TMTC3: variants seen among roughly 807,000 people sequenced by gnomAD.
TMTC3 encodes the protein protein O-mannosyl-transferase TMTC3.
Under a neutral mutation model 92.2 loss-of-function variants are expected in TMTC3, and 52 were observed. The observed-to-expected ratio is 0.56, with a 90% CI of 0.45 to 0.71. The LOEUF (loss-of-function observed/expected upper bound fraction) is 0.71. Ranked by LOEUF, TMTC3 falls within the 30% of genes least tolerant of loss-of-function variation. The pLI, the probability that TMTC3 is intolerant of heterozygous loss-of-function variation, is 0.00. For missense variants in TMTC3, 896 were observed against 1,057.1 expected (o/e 0.85, Z 2.11); for synonymous variants, 339 against 363.3 (o/e 0.93, Z 0.76).
intron 10 of TMTC3, among the ~76,000 whole-genome samples, chr12:88,182,430 T>G (rs1225205634): frequency 1.3e-5 from 2 of 152,232 alleles, no homozygotes; most frequent in African/African-American, 4.8e-5. Flanking sequence ...TATCAGTAGT[T>G]ATGCCCAAGA....
intron 10 of TMTC3, among the ~76,000 whole-genome samples, chr12:88,183,509 CCT>C (rs1465450758): frequency 2.0e-5 from 3 of 152,118 alleles, no homozygotes; most frequent in Admixed American, 6.5e-5. Flanking sequence ...TCAGGCAAAA[CCT>C]CTGTTTCCCC....
intron 4 of TMTC3, among the ~76,000 whole-genome samples, chr12:88,156,859 TCTTA>T (rs572798549): frequency 5.4e-5 from 8 of 148,528 alleles, no homozygotes; most frequent in South Asian, 2.2e-4. Context: ...TATTTTTCCC[TCTTA>T]CTTACCTTTT....
chr12:88,195,209 A>G lies in TMTC3; in HGVS notation c.2305A>G (p.Ser769Gly), dbSNP rs145558592. Residue 769 changes from serine to glycine, a missense_variant, in exon 14 of 14, where the codon AGC becomes GGC. Physicochemically the swap from Ser to Gly is moderately conservative, Grantham distance 56 (BLOSUM62 0). Transcript: ENST00000266712. Reference protein sequence around the residue: ...CFERILEMDPSNVQGKHNLCV... With the variant: ...CFERILEMDPGNVQGKHNLCV... ...TGAAAGGATTTTGGAGATGGATCCA[A>G]GCAATGTGCAAGGAAAACACAATCT... is the stretch of plus-strand genomic sequence containing the variant. The G allele has an allele frequency of 1.9e-6, 3 of 1,613,810 alleles. No homozygotes were observed. The highest frequency in any genetic ancestry group is 2.5e-6 in the Non-Finnish European group (3 of 1,179,934).
At chr12:88,156,378 C>T (rs929533136) in intron 4 of TMTC3, among the ~76,000 whole-genome samples, 5 of 152,104 alleles carry the variant, frequency 3.3e-5, no homozygotes, top group African/African-American at 9.7e-5. Context: ...TTCCAGGTTC[C>T]GCAGAGCTGC....
intron 1 of TMTC3, among the ~76,000 whole-genome samples, chr12:88,147,895 A>G (rs1429847067): frequency 6.6e-6 from 1 of 152,120 alleles, no homozygotes; most frequent in African/African-American, 2.4e-5. Flanking sequence ...TAGAAAAGGG[A>G]TGGAGGGTCT....
intron 10 of TMTC3, among the ~76,000 whole-genome samples, chr12:88,183,959 A>G (rs1482494875): frequency 6.6e-6 from 1 of 152,074 alleles, no homozygotes; most frequent in African/African-American, 2.4e-5. Flanking sequence ...CCAATGACTT[A>G]CTGTGCAGTC....
intron 10 of TMTC3, among the ~76,000 whole-genome samples, chr12:88,184,961 A>G (rs12321999): frequency 0.13 from 19,110 of 152,144 alleles, 2,291 homozygotes; most frequent in African/African-American, 0.31. Flanking sequence ...GTGTAATTTT[A>G]AGTATCACTG....
rs1036578200 is a variant in TMTC3 at position 88,198,877 on chromosome 12, T to G, written c.*3228T>G. 3 of 152,532 alleles carry G rather than the reference T, an allele frequency of 2.0e-5. No individual in the cohort carries two copies. Among genetic ancestry groups the G allele is most frequent in the Non-Finnish European group, 4.4e-5 (3 of 68,260 alleles). 9.4% of individuals were successfully genotyped at this position (152,532 alleles called of 1,614,324 possible). The stretch of plus-strand genomic sequence containing the variant: ...TGAATGCCCAAAAATATCTTGTACC[T>G]TTGTCCAAAAGTTTATCTGTTGGAA... On this transcript the variant is annotated 3_prime_UTR_variant, in exon 14 of 14. Transcript: ENST00000266712.
chr12:88,189,011 T>C (rs1382980549), intron 11 of TMTC3, 65 bp downstream of exon 11: 1 of 856,734 alleles, frequency 1.2e-6, no homozygotes, highest in Non-Finnish European at 1.9e-6. Flanking sequence ...TAGAATTATC[T>C]AGAAGGAAAA....
At chr12:88,175,206 G>A (rs958718231) in intron 9 of TMTC3, among the ~76,000 whole-genome samples, 1 of 151,398 alleles carries the variant, frequency 6.6e-6, no homozygotes, top group African/African-American at 2.4e-5. Context: ...TGATGTGGAA[G>A]ATAACCAGTG....
rs538720655 is a variant in TMTC3 at position 88,159,067 on chromosome 12, GA to G, written c.509-1033del. ...AACTCTGTCTCAAAAAAAAAAAAAG[GA>G]AAAAAAAAAAAAAGAAAACCAAACT... On this transcript the variant is annotated intron_variant, in intron 4 of 13. Transcript: ENST00000266712. Among the ~76,000 whole-genome samples, 985 of 113,052 alleles carry G rather than the reference GA, an allele frequency of 8.7e-3. 9 individuals carry two copies. The highest frequency in any genetic ancestry group is 0.019 in the African/African-American group (579 of 30,702). The allele number at this position is 113,052 out of a possible 152,430, so 74.2% of individuals were successfully genotyped here.
intron 5 of TMTC3, 31 bp downstream of exon 5, chr12:88,160,260 T>G (rs2041060976): frequency 1.0e-5 from 13 of 1,267,064 alleles, no homozygotes; most frequent in Middle Eastern, 2.2e-4. Flanking sequence ...ATAAATTTTC[T>G]TATTGATATA....
chr12:88,166,608 A>G (rs200326149), intron 7 of TMTC3, 26 bp downstream of exon 7: 3 of 1,595,136 alleles, frequency 1.9e-6, no homozygotes, highest in Admixed American at 1.8e-5. Flanking sequence ...TAACTTCCAA[A>G]TGATGTTAAC....
intron 7 of TMTC3, among the ~76,000 whole-genome samples, chr12:88,170,442 G>C (rs2041192221): frequency 6.6e-6 from 1 of 152,056 alleles, no homozygotes; most frequent in Non-Finnish European, 1.5e-5. Flanking sequence ...GAAATGGAAA[G>C]TGAATTCTAT....
intron 1 of TMTC3, among the ~76,000 whole-genome samples, chr12:88,146,210 C>G (rs2040871634): frequency 6.6e-6 from 1 of 152,150 alleles, no homozygotes; most frequent in Non-Finnish European, 1.5e-5. Context: ...GAGCTCGTAA[C>G]ATGCTCTCTC....
Position 88,197,052 on chromosome 12 carries a change from A to G in TMTC3, c.*1403A>G, listed in dbSNP as rs962495677. On this transcript the variant is annotated 3_prime_UTR_variant, in exon 14 of 14. Coordinates refer to ENST00000266712, the MANE Select transcript of TMTC3 (RefSeq NM_181783.4). ...AATTTAAAATATGAAAGCTCTGGCT[A>G]TCATCCTGGGATAGTAATTTCTAAT... 4 of 152,208 alleles carry G rather than the reference A, an allele frequency of 2.6e-5. No homozygotes were observed. Among genetic ancestry groups the G allele is most frequent in the African/African-American group, 9.7e-5 (4 of 41,426 alleles). The allele number at this position is 152,208 out of a possible 1,614,324, so 9.4% of individuals were successfully genotyped here.
intron 10 of TMTC3, among the ~76,000 whole-genome samples, chr12:88,179,998 C>T (rs1256273589): frequency 6.6e-5 from 10 of 152,184 alleles, no homozygotes; most frequent in Admixed American, 6.6e-4. Context: ...GCAAAACCTC[C>T]TGGCCTTCCA....
chr12:88,175,743 C>T (rs746250047), intron 9 of TMTC3, among the ~76,000 whole-genome samples: 21 of 152,166 alleles, frequency 1.4e-4, no homozygotes, highest in African/African-American at 3.9e-4. Context: ...AAGAACACTA[C>T]GGCAATCTGC....
Position 88,181,760 on chromosome 12 carries a change from A to G in TMTC3, c.1432+5441A>G, listed in dbSNP as rs147726227. Among the ~76,000 whole-genome samples the G allele has an allele frequency of 2.5e-4, 38 of 152,330 alleles. No homozygotes were observed. In the East Asian group the frequency reaches 7.1e-3, roughly 29 times the overall value. Reference sequence around the variant, plus strand: ...TGAGCAGAAAAGGTCTCCAGGGCCAATATTAAGGCTCCAACCTCAGCTCTC... The same window carrying G: ...TGAGCAGAAAAGGTCTCCAGGGCCAGTATTAAGGCTCCAACCTCAGCTCTC... On this transcript the variant is annotated intron_variant, in intron 10 of 13. Coordinates refer to ENST00000266712, the MANE Select transcript of TMTC3 (RefSeq NM_181783.4).
Sources: allele counts gnomAD v4.1 joint callset (sites outside exome capture counted in the v4.1 genomes callset), GRCh38; gene constraint gnomAD v4.1.1; transcripts MANE v1.5; gene names NCBI Gene and HGNC (gene_info 2026-07-23, HGNC 2026-07-21).